The following KCNN2 variants were observed in gnomAD, a reference collection of about 807,000 sequenced individuals.
The protein encoded by KCNN2 is small conductance calcium-activated potassium channel protein 2.
Under a neutral mutation model 55.5 loss-of-function variants are expected in KCNN2, and 24 were observed. The observed-to-expected ratio is 0.43, with a 90% confidence interval of 0.31 to 0.61. The LOEUF (loss-of-function observed/expected upper bound fraction) is 0.61, where lower values mean the gene tolerates loss of function less well. KCNN2 is among the 20% of genes least tolerant of loss of function. KCNN2 has a pLI of 0.08. For synonymous variants in KCNN2, 431 were observed against 336.1 expected, an observed-to-expected ratio of 1.28 and a Z score of -3.09; for missense variants, 754 against 853.6, an observed-to-expected ratio of 0.88 and a Z score of 1.45.
At chr5:114,162,621 A>G (rs774200300) in intron 1 of KCNN2, among the ~76,000 whole-genome samples, 9 of 152,182 alleles carry the variant, frequency 5.9e-5, no homozygotes, top group Admixed American at 3.3e-4. Context: ...AGAAGCAGGC[A>G]GGCCTCCTTG....
chr5:114,247,202 C>CAA (rs370172975), intron 2 of KCNN2, among the ~76,000 whole-genome samples: 7,270 of 67,982 alleles, frequency 0.11, 313 homozygotes, highest in South Asian at 0.21. Flanking sequence ...CATATGTCTC[C>CAA]AAAAAAAAAA....
At chr5:114,399,926 T>TG (rs1465353437) in intron 2 of KCNN2, among the ~76,000 whole-genome samples, 8 of 134,972 alleles carry the variant, frequency 5.9e-5, no homozygotes, top group African/African-American at 1.9e-4. Context: ...GGGTTTTTTT[T>TG]TTTGTTTTTT....
At chr5:114,313,375 G>A (rs1388216431) in intron 2 of KCNN2, among the ~76,000 whole-genome samples, 1 of 152,124 alleles carries the variant, frequency 6.6e-6, no homozygotes. Context: ...AATTCTAGAT[G>A]TACAAGCTTA....
At chr5:114,491,157 G>A (rs993385427) in intron 6 of KCNN2, among the ~76,000 whole-genome samples, 5 of 152,182 alleles carry the variant, frequency 3.3e-5, no homozygotes, top group Admixed American at 2.6e-4. Flanking sequence ...ATTAGGCCCC[G>A]TTGTTTATAA....
At chr5:114,125,646 A>C (rs1045887107) in intron 1 of KCNN2, among the ~76,000 whole-genome samples, 1 of 152,200 alleles carries the variant, frequency 6.6e-6, no homozygotes, top group Non-Finnish European at 1.5e-5. Flanking sequence ...TAGGGCTACC[A>C]TAAGTACCAT....
chr5:114,320,582 C>G (rs1180335462), intron 2 of KCNN2, among the ~76,000 whole-genome samples: 2 of 151,696 alleles, frequency 1.3e-5, no homozygotes, highest in Non-Finnish European at 2.9e-5. Flanking sequence ...CCACTGCACT[C>G]CAGCCTGGGT....
At chr5:114,482,034 A>C (rs1157636685) in intron 5 of KCNN2, among the ~76,000 whole-genome samples, 2 of 152,200 alleles carry the variant, frequency 1.3e-5, no homozygotes, top group Non-Finnish European at 2.9e-5. Context: ...GACAAATGGG[A>C]TCTAATTAAA....
intron 2 of KCNN2, among the ~76,000 whole-genome samples, chr5:114,387,151 T>G (rs1005797854): frequency 3.3e-5 from 5 of 152,216 alleles, no homozygotes; most frequent in African/African-American, 1.2e-4. Context: ...TGAATCCAAG[T>G]AATACAAATG....
intron 3 of KCNN2, among the ~76,000 whole-genome samples, chr5:114,418,809 G>A (rs536098933): frequency 6.6e-6 from 1 of 152,260 alleles, no homozygotes; most frequent in South Asian, 2.1e-4. Flanking sequence ...CAGCGATCTA[G>A]AATTGCTCCT....
chr5:114,249,596 T>C (rs967777569), intron 2 of KCNN2, among the ~76,000 whole-genome samples: 1 of 152,032 alleles, frequency 6.6e-6, no homozygotes, highest in Admixed American at 6.6e-5. Context: ...CCTCAGTACA[T>C]TTCTAAAAAG....
chr5:114,114,722 G>C (rs919734296), intron 1 of KCNN2, among the ~76,000 whole-genome samples: 2 of 152,082 alleles, frequency 1.3e-5, no homozygotes, highest in East Asian at 3.9e-4. Context: ...CATTGTTGGT[G>C]GTTTTCTAAT....
chr5:114,447,499 A>G (rs1373272048), intron 3 of KCNN2, among the ~76,000 whole-genome samples: 1 of 152,208 alleles, frequency 6.6e-6, no homozygotes, highest in African/African-American at 2.4e-5. Context: ...TTTTGAAGAG[A>G]GATGACTGAC....
intron 3 of KCNN2, among the ~76,000 whole-genome samples, chr5:114,450,476 T>G (rs1304915643): frequency 6.6e-6 from 1 of 152,184 alleles, no homozygotes; most frequent in Non-Finnish European, 1.5e-5. Flanking sequence ...AAAGAGAAAC[T>G]TGGTCAGAAA....
chr5:114,255,249 T>G (rs4235758), intron 2 of KCNN2, among the ~76,000 whole-genome samples: 5 of 151,590 alleles, frequency 3.3e-5, no homozygotes, highest in Non-Finnish European at 5.9e-5. Flanking sequence ...TACACGTGCA[T>G]TGTAGTGTTG....
intron 1 of KCNN2, among the ~76,000 whole-genome samples, chr5:114,073,243 C>G (rs181449312): frequency 1.2e-3 from 184 of 152,352 alleles, no homozygotes; most frequent in Middle Eastern, 6.8e-3. Flanking sequence ...AGCATTCCCT[C>G]TGATGCCGAC....
upstream of KCNN2, chr5:114,361,275 G>C (rs550650396): frequency 2.6e-4 from 39 of 151,654 alleles, no homozygotes; most frequent in African/African-American, 9.2e-4. Context: ...ACCCCCGGCC[G>C]GGGTGCCGAG....
chr5:114,311,772 T>G (rs1756394550), intron 2 of KCNN2, among the ~76,000 whole-genome samples: 2 of 152,152 alleles, frequency 1.3e-5, no homozygotes, highest in Admixed American at 1.3e-4. Flanking sequence ...TTTCAGTACA[T>G]TCAATTTGGG....
exon 1 of KCNN2, chr5:114,056,318 T>C: frequency 2.5e-6 from 1 of 398,576 alleles, no homozygotes. Context: ...GAGAGGCAGA[T>C]GGTCCTGGCT....
Position 114,225,111 on chromosome 5 carries a change from C to T in KCNN2, c.-185+3546C>T, listed in dbSNP as rs145692658. ...GACTAAATACAAAGTATTTTAAAAG[C>T]TTTAATTGATATCAAAGAAAGGATG... On this transcript the variant is annotated intron_variant, in intron 2 of 10. Coordinates refer to the KCNN2 transcript ENST00000512097. 4.5e-3 allele frequency among the ~76,000 whole-genome samples: 682 copies of T among 152,158 alleles called. 7 individuals are homozygous for T. Among genetic ancestry groups the T allele is most frequent in the African/African-American group, 0.016 (650 of 41,510 alleles).
Sources: allele counts gnomAD v4.1 joint callset (sites outside exome capture counted in the v4.1 genomes callset), GRCh38; gene constraint gnomAD v4.1.1; transcripts MANE v1.5; gene names NCBI Gene and HGNC (gene_info 2026-07-23, HGNC 2026-07-21).